B4GALNT3: variants seen among roughly 807,000 people sequenced by gnomAD.
B4GALNT3 encodes the protein beta-1,4-N-acetyl-galactosaminyltransferase 3, also known as beta-1,4-N-acetylgalactosaminyltransferase 3.
In B4GALNT3, 86 loss-of-function variants were observed where a neutral mutation model predicts 120.2. The ratio of observed to expected loss-of-function variants is 0.72; its 90% CI spans 0.60 to 0.86. The LOEUF (loss-of-function observed/expected upper bound fraction) is 0.86, where lower values mean the gene tolerates loss of function less well. Ranked by LOEUF, B4GALNT3 falls within the 40% of genes least tolerant of loss-of-function variation. The pLI is 0.00. For synonymous variants in B4GALNT3, 518 were observed against 510.4 expected, an observed-to-expected ratio of 1.01 and a Z score of -0.20; for missense variants, 1,167 against 1,298.9, an observed-to-expected ratio of 0.90 and a Z score of 1.56.
chr12:478,108 G>C (rs1347327343), intron 1 of B4GALNT3, among the ~76,000 whole-genome samples: 2 of 152,012 alleles, frequency 1.3e-5, no homozygotes, highest in Non-Finnish European at 2.9e-5. Context: ...AAGTTAGCCA[G>C]GCATGGTGGC....
In B4GALNT3 at chr12:500,678, G is replaced by A. The variant is rs1184344184; in HGVS notation, c.170-34488G>A. ...CTGAATCCCGTGGGTGCCCCAACCC[G>A]GGACCCACCAGGCCTTCATACTATC... On this transcript the variant is annotated intron_variant, in intron 1 of 19. Coordinates refer to ENST00000266383, the MANE Select transcript of B4GALNT3 (RefSeq NM_173593.4). 2.6e-5 allele frequency among the ~76,000 whole-genome samples: 4 copies of A among 151,948 alleles called. 1 individual carries two copies. The highest frequency in any genetic ancestry group is 7.3e-5 in the African/African-American group (3 of 41,354).
chr12:470,843 A>G (rs1946129221), intron 1 of B4GALNT3, among the ~76,000 whole-genome samples: 1 of 152,008 alleles, frequency 6.6e-6, no homozygotes, highest in Non-Finnish European at 1.5e-5. Context: ...GGTTCAAGAC[A>G]TTCTCCTGCC....
intron 1 of B4GALNT3, among the ~76,000 whole-genome samples, chr12:470,264 A>G (rs1468725332): frequency 6.6e-6 from 1 of 152,236 alleles, no homozygotes; most frequent in Non-Finnish European, 1.5e-5. Flanking sequence ...CTCCAAGGTC[A>G]TCTCTGACAA....
At chr12:545,509 G>A (rs569907181) in intron 6 of B4GALNT3, 40 bp downstream of exon 6, 1 of 1,541,220 alleles carries the variant, frequency 6.5e-7, no homozygotes, top group African/African-American at 1.4e-5. Context: ...ATCTGCTCCT[G>A]GAGCCTGTTC....
At chr12:549,354 G>A (rs187634736) in intron 9 of B4GALNT3, among the ~76,000 whole-genome samples, 39 of 152,344 alleles carry the variant, frequency 2.6e-4, no homozygotes, top group Admixed American at 1.6e-3. Context: ...GGGAATGATC[G>A]TAGTACAGAA....
intron 1 of B4GALNT3, among the ~76,000 whole-genome samples, chr12:534,634 A>T (rs1946840168): frequency 6.6e-6 from 1 of 152,098 alleles, no homozygotes; most frequent in Non-Finnish European, 1.5e-5. Flanking sequence ...CCAGTGGTTT[A>T]TACCTTTGTT....
At chr12:558,416 T>C (rs960273874) in intron 17 of B4GALNT3, 92 bp from the exon 18 acceptor site, 3 of 1,242,216 alleles carry the variant, frequency 2.4e-6, no homozygotes, top group African/African-American at 3.0e-5. Context: ...ATCACTCCAA[T>C]AGGGAAGACT....
intron 1 of B4GALNT3, among the ~76,000 whole-genome samples, chr12:486,459 C>T (rs1403898172): frequency 6.6e-6 from 1 of 152,084 alleles, no homozygotes; most frequent in African/African-American, 2.4e-5. Flanking sequence ...CCACCCGCCT[C>T]GGCCTCCCAA....
At position 514,489 on chromosome 12, in the gene B4GALNT3, G is replaced by A. The variant is rs776791160; in HGVS notation, c.170-20677G>A. 9.9e-5 allele frequency among the ~76,000 whole-genome samples: 15 copies of A among 152,024 alleles called. No homozygotes were observed. The South Asian group carries it at 2.5e-3, about 25-fold the overall frequency. ...TGGGATTACAGGCATGAGCCACCAC[G>A]CCCAGCCTATTTTTTTTAAATAAAA... On this transcript the variant is annotated intron_variant, in intron 1 of 19. Coordinates refer to ENST00000266383, the MANE Select transcript of B4GALNT3 (RefSeq NM_173593.4).
chr12:553,108 C>T (rs1184853543), intron 13 of B4GALNT3, 86 bp from the exon 14 acceptor site: 1 of 1,545,306 alleles, frequency 6.5e-7, no homozygotes, highest in Non-Finnish European at 8.8e-7. Context: ...TGGTGCGTCA[C>T]ACGTATGATC....
At chr12:534,522 G>GTGT (rs1946839075) in intron 1 of B4GALNT3, among the ~76,000 whole-genome samples, 3 of 152,274 alleles carry the variant, frequency 2.0e-5, no homozygotes. Context: ...TCCCAGGTGC[G>GTGT]TGTAAGCCAA....
intron 1 of B4GALNT3, among the ~76,000 whole-genome samples, chr12:468,942 T>C (rs1946109470): frequency 1.3e-5 from 2 of 152,118 alleles, no homozygotes; most frequent in East Asian, 3.9e-4. Context: ...GGAGTGGAAA[T>C]AGAGAAACCA....
At chr12:499,220 T>G (rs1175643302) in intron 1 of B4GALNT3, among the ~76,000 whole-genome samples, 1 of 152,238 alleles carries the variant, frequency 6.6e-6, no homozygotes, top group African/African-American at 2.4e-5. Context: ...CTTTGTGTAT[T>G]TAATTTAGGG....
chr12:516,145 CAA>C (rs1314469750), intron 1 of B4GALNT3, among the ~76,000 whole-genome samples: 13 of 76,780 alleles, frequency 1.7e-4, no homozygotes, highest in Admixed American at 3.1e-4. Context: ...GACTCCGTCT[CAA>C]AAAAAAAAAA....
chr12:558,392 G>T (rs1035005831), intron 17 of B4GALNT3, 116 bp from the exon 18 acceptor site: 1 of 998,876 alleles, frequency 1.0e-6, no homozygotes, highest in Non-Finnish European at 1.5e-6. Flanking sequence ...AGCTGGTTTT[G>T]TGGGAGTTTG....
intron 1 of B4GALNT3, among the ~76,000 whole-genome samples, chr12:461,618 C>T (rs1565584532): frequency 1.3e-5 from 2 of 152,208 alleles, no homozygotes; most frequent in Admixed American, 6.5e-5. Context: ...TGGGGAAACT[C>T]GGACAGAGTG....
chr12:498,775 T>G (rs1461255410), intron 1 of B4GALNT3, among the ~76,000 whole-genome samples: 1 of 152,146 alleles, frequency 6.6e-6, no homozygotes, highest in Non-Finnish European at 1.5e-5. Flanking sequence ...GCGTCTGTCT[T>G]TAAGAGGTTC....
intron 1 of B4GALNT3, among the ~76,000 whole-genome samples, chr12:464,703 C>T (rs746149959): frequency 2.1e-4 from 32 of 152,072 alleles, no homozygotes; most frequent in Non-Finnish European, 4.1e-4. Flanking sequence ...AAATCCAAGA[C>T]AGAAGGATGG....
At chr12:545,107 G>T in intron 5 of B4GALNT3, 135 bp downstream of exon 5, 6 of 1,456,642 alleles carry the variant, frequency 4.1e-6, no homozygotes, top group Non-Finnish European at 5.4e-6. Flanking sequence ...AGGGGAAATT[G>T]AGTCATATTG....
Sources: gnomAD v4.1 joint callset for allele counts (sites outside exome capture counted in the v4.1 genomes callset) on GRCh38, gnomAD v4.1.1 for gene constraint, MANE v1.5 for transcripts, NCBI Gene and HGNC (gene_info 2026-07-23, HGNC 2026-07-21) for gene names.